The following ZFAND6 variants were observed in gnomAD, a reference collection of about 807,000 sequenced individuals.
ZFAND6 encodes AN1-type zinc finger protein 6.
A neutral mutation model predicts 24.5 loss-of-function variants in ZFAND6; 12 were observed. That is an observed-to-expected ratio of 0.49 (90% CI 0.31 to 0.79). The LOEUF (loss-of-function observed/expected upper bound fraction) is 0.79. Ranked by LOEUF, ZFAND6 falls within the 30% of genes least tolerant of loss-of-function variation. ZFAND6 has a pLI of 0.04. For synonymous variants in ZFAND6, 92 were observed against 81.5 expected (o/e 1.13, Z -0.69); for missense variants, 207 against 245.9 (o/e 0.84, Z 1.06).
At chr15:80,068,088 A>T (rs2036758111) in intron 1 of ZFAND6, among the ~76,000 whole-genome samples, 1 of 149,930 alleles carries the variant, frequency 6.7e-6, no homozygotes, top group South Asian at 2.1e-4. Context: ...CTGCTTCCCA[A>T]GTAGCTGGGA....
intron 1 of ZFAND6, among the ~76,000 whole-genome samples, chr15:80,088,589 C>G (rs1441362022): frequency 6.6e-6 from 1 of 152,232 alleles, no homozygotes; most frequent in East Asian, 1.9e-4. Context: ...CGACTTCGTC[C>G]TCACTCTTTC....
intron 2 of ZFAND6, among the ~76,000 whole-genome samples, chr15:80,106,904 G>A (rs1203202381): frequency 1.3e-5 from 2 of 152,170 alleles, no homozygotes; most frequent in African/African-American, 2.4e-5. Context: ...ACAATGAAGT[G>A]TAATCAGAAT....
intron 1 of ZFAND6, among the ~76,000 whole-genome samples, chr15:80,068,491 C>A (rs2036788792): frequency 2.0e-5 from 3 of 151,998 alleles, no homozygotes; most frequent in Non-Finnish European, 2.9e-5. Flanking sequence ...CCTGCCTCAG[C>A]CTCCGGAGTA....
chr15:80,088,681 C>G (rs1437124503), intron 1 of ZFAND6, among the ~76,000 whole-genome samples: 1 of 152,176 alleles, frequency 6.6e-6, no homozygotes, highest in African/African-American at 2.4e-5. Flanking sequence ...TTTACAAATA[C>G]CTGTATCTTC....
At chr15:80,092,326 G>GAAAAAAA in intron 1 of ZFAND6, among the ~76,000 whole-genome samples, 1 of 103,610 alleles carries the variant, frequency 9.7e-6, no homozygotes, top group Non-Finnish European at 2.0e-5. Context: ...ATCTCTACAG[G>GAAAAAAA]AAAAAAAAAA....
intron 1 of ZFAND6, among the ~76,000 whole-genome samples, chr15:80,063,041 A>G (rs979615021): frequency 2.0e-5 from 3 of 152,218 alleles, no homozygotes; most frequent in Non-Finnish European, 2.9e-5. Flanking sequence ...TTTGTAAATT[A>G]CAGTATCTTA....
chr15:80,066,832 G>A (rs1445327599), intron 1 of ZFAND6, among the ~76,000 whole-genome samples: 1 of 150,934 alleles, frequency 6.6e-6, no homozygotes, highest in Non-Finnish European at 1.5e-5. Context: ...TAGAGGCGGA[G>A]GTTGCAGTGA....
At chr15:80,127,024 C>A (rs1450609065) in intron 5 of ZFAND6, among the ~76,000 whole-genome samples, 1 of 151,996 alleles carries the variant, frequency 6.6e-6, no homozygotes, top group South Asian at 2.1e-4. Context: ...GGGAGGATCA[C>A]TTGAACTTGG....
intron 1 of ZFAND6, among the ~76,000 whole-genome samples, chr15:80,069,436 T>G (rs1288670375): frequency 6.6e-6 from 1 of 152,156 alleles, no homozygotes; most frequent in Non-Finnish European, 1.5e-5. Context: ...TTATGCTTGC[T>G]TATTTGTATG....
At chr15:80,079,762 G>T (rs1166230252) in intron 1 of ZFAND6, among the ~76,000 whole-genome samples, 1 of 146,014 alleles carries the variant, frequency 6.8e-6, no homozygotes, top group Non-Finnish European at 1.5e-5. Flanking sequence ...CCATCCTCCT[G>T]CCTTAGCCTC....
chr15:80,119,060 G>A (rs1412379518), intron 2 of ZFAND6, among the ~76,000 whole-genome samples: 2 of 150,526 alleles, frequency 1.3e-5, no homozygotes, highest in African/African-American at 2.4e-5. Context: ...CCTTCACTTA[G>A]GAGATTGTTG....
intron 5 of ZFAND6, among the ~76,000 whole-genome samples, chr15:80,128,011 G>A (rs1190747220): frequency 6.6e-6 from 1 of 152,140 alleles, no homozygotes; most frequent in African/African-American, 2.4e-5. Flanking sequence ...TCACAAAGAG[G>A]AAGGAAATTC....
At chr15:80,084,607 C>T (rs961843424) in intron 1 of ZFAND6, among the ~76,000 whole-genome samples, 3 of 152,108 alleles carry the variant, frequency 2.0e-5, no homozygotes, top group Middle Eastern at 3.2e-3. Flanking sequence ...GGCGTTAAGC[C>T]GGGTTGGCAG....
chr15:80,113,972 C>T (rs763959636), intron 2 of ZFAND6, among the ~76,000 whole-genome samples: 15 of 151,760 alleles, frequency 9.9e-5, no homozygotes, highest in Non-Finnish European at 1.8e-4. Flanking sequence ...AGCTGATTTC[C>T]TGAAGTAGAT....
intron 2 of ZFAND6, among the ~76,000 whole-genome samples, chr15:80,117,015 C>G (rs1468599732): frequency 6.6e-6 from 1 of 152,132 alleles, no homozygotes; most frequent in African/African-American, 2.4e-5. Flanking sequence ...AATACTGATT[C>G]AGTGTCTTAG....
At chr15:80,074,795 A>G (rs1266807608) in intron 1 of ZFAND6, among the ~76,000 whole-genome samples, 1 of 152,004 alleles carries the variant, frequency 6.6e-6, no homozygotes, top group Non-Finnish European at 1.5e-5. Flanking sequence ...TGTCTGTTAA[A>G]TGAAATAGGC....
At chr15:80,115,528 G>C (rs566396011) in intron 2 of ZFAND6, among the ~76,000 whole-genome samples, 1 of 152,278 alleles carries the variant, frequency 6.6e-6, no homozygotes, top group African/African-American at 2.4e-5. Flanking sequence ...GTAGCAAAGG[G>C]AGGGAGGCAG....
intron 2 of ZFAND6, among the ~76,000 whole-genome samples, chr15:80,113,482 A>AT (rs144631890): frequency 6.6e-6 from 1 of 151,934 alleles, no homozygotes; most frequent in Non-Finnish European, 1.5e-5. Flanking sequence ...TTTTCTCCCT[A>AT]TTTTTTTCGG....
chr15:80,073,371 T>C, intron 1 of ZFAND6: 2 of 290,286 alleles, frequency 6.9e-6, no homozygotes, highest in Non-Finnish European at 1.4e-5. Context: ...CTGATTCTAT[T>C]TACATTTCTT....
Sources: gnomAD v4.1 joint callset for allele counts (sites outside exome capture counted in the v4.1 genomes callset) on GRCh38, gnomAD v4.1.1 for gene constraint, MANE v1.5 for transcripts, NCBI Gene and HGNC (gene_info 2026-07-23, HGNC 2026-07-21) for gene names.